Variants in SMYD2 observed in about 807,000 individuals in gnomAD.
SMYD2 encodes SET and MYND domain containing 2, also known as N-lysine methyltransferase SMYD2.
Under a neutral mutation model 59.1 loss-of-function variants are expected in SMYD2, and 53 were observed. The observed-to-expected ratio is 0.90, with a 90% CI of 0.72 to 1.13. SMYD2 has a LOEUF of 1.13. SMYD2 is among the 50% of genes most tolerant of loss of function. The pLI, the probability that SMYD2 is intolerant of heterozygous loss-of-function variation, is 0.00. For missense variants in SMYD2, 494 were observed against 544.7 expected, an observed-to-expected ratio of 0.91 and a Z score of 0.93; for synonymous variants, 208 against 198.8, an observed-to-expected ratio of 1.05 and a Z score of -0.39.
At chr1:214,303,864 G>A (rs1441555561) in intron 1 of SMYD2, among the ~76,000 whole-genome samples, 1 of 152,278 alleles carries the variant, frequency 6.6e-6, no homozygotes, top group African/African-American at 2.4e-5. Flanking sequence ...TGGCTCTGCG[G>A]CAGTGTAGCC....
intron 1 of SMYD2, among the ~76,000 whole-genome samples, chr1:214,296,987 A>T (rs1258991060): frequency 4.6e-5 from 7 of 152,246 alleles, no homozygotes; most frequent in South Asian, 2.1e-4. Flanking sequence ...AAACAACCTG[A>T]TCCATCCTGT....
chr1:214,330,783 G>A (rs1657339888), intron 8 of SMYD2, among the ~76,000 whole-genome samples, 167 bp from the exon 9 acceptor site: 1 of 152,244 alleles, frequency 6.6e-6, no homozygotes, highest in Non-Finnish European at 1.5e-5. Context: ...AGGTAATGGA[G>A]TACTGAATTT....
intron 7 of SMYD2, 125 bp downstream of exon 7, chr1:214,327,849 G>A: frequency 1.4e-6 from 1 of 728,272 alleles, no homozygotes; most frequent in Non-Finnish European, 2.3e-6. Context: ...CAGTTTAGCT[G>A]AGTCTGCCCT....
chr1:214,307,540 G>A (rs1054262440), intron 2 of SMYD2, among the ~76,000 whole-genome samples: 5 of 152,214 alleles, frequency 3.3e-5, no homozygotes, highest in African/African-American at 4.8e-5. Flanking sequence ...TACAAAATGA[G>A]TCTTAACTCC....
At chr1:214,317,240 T>C (rs1657101354) in intron 3 of SMYD2, among the ~76,000 whole-genome samples, 1 of 152,220 alleles carries the variant, frequency 6.6e-6, no homozygotes, top group Non-Finnish European at 1.5e-5. Flanking sequence ...TTATAATTAC[T>C]ACTACTACTA....
chr1:214,321,993 C>T (rs1022946338), intron 5 of SMYD2, among the ~76,000 whole-genome samples: 2 of 152,026 alleles, frequency 1.3e-5, no homozygotes, highest in Non-Finnish European at 2.9e-5. Context: ...TAAGAGGAGC[C>T]GGGAAGGGAA....
intron 1 of SMYD2, among the ~76,000 whole-genome samples, chr1:214,283,597 A>G (rs1015025099): frequency 2.0e-5 from 3 of 152,228 alleles, no homozygotes; most frequent in Admixed American, 2.0e-4. Flanking sequence ...GTCATCTGAT[A>G]GATTCAGCAT....
At position 214,332,068 on chromosome 1, in the gene SMYD2, T is replaced by C; in HGVS notation, c.988T>C (p.Ser330Pro). 1 of 1,614,044 alleles carries C rather than the reference T, an allele frequency of 6.2e-7. No homozygotes were observed. Among genetic ancestry groups the C allele is most frequent in the Non-Finnish European group, 8.5e-7 (1 of 1,180,020 alleles). ...ICELSQEKMS[S>P]VFEDSNVYML... ...CGAGCTCAGCCAGGAGAAGATGAGC[T>C]CTGTGTTTGAGGACAGTAACGTGTA... The change falls in exon 10 of 12, where the codon TCT (serine) becomes CCT (proline). Residue 330 changes from serine (S) to proline (P), a missense_variant. Ser to Pro is a moderately conservative substitution (Grantham distance 74). Coordinates refer to ENST00000366957, the MANE Select transcript of SMYD2 (RefSeq NM_020197.3).
intron 2 of SMYD2, among the ~76,000 whole-genome samples, chr1:214,313,209 TG>T (rs1168145858): frequency 6.6e-6 from 1 of 152,082 alleles, no homozygotes; most frequent in Non-Finnish European, 1.5e-5. Context: ...CTCTGCCTCC[TG>T]GGTTCAAGCG....
At chr1:214,302,129 G>A (rs1275395753) in intron 1 of SMYD2, among the ~76,000 whole-genome samples, 2 of 152,074 alleles carry the variant, frequency 1.3e-5, no homozygotes, top group African/African-American at 2.4e-5. Context: ...ATCACCTGAG[G>A]TCAGGAGTTC....
chr1:214,318,802 A>T lies in SMYD2; in HGVS notation c.410-57A>T, dbSNP rs1657125510. ...CTGTATCATTTACAGCAAAAATAGG[A>T]TGTAGCTAGAAATCCCACGCTTTCT... is the stretch of plus-strand genomic sequence containing the variant. On this transcript the variant is annotated intron_variant, in intron 4 of 11. Coordinates refer to ENST00000366957, the MANE Select transcript of SMYD2 (RefSeq NM_020197.3). The surrounding 1 kb of genome is among the most constrained non-coding windows in gnomAD (Gnocchi z 5.4). 3 of 1,583,356 alleles carry T rather than the reference A, an allele frequency of 1.9e-6. No individual in the cohort carries two copies. In the Admixed American group the frequency reaches 5.2e-5, roughly 27 times the overall value.
At chr1:214,299,713 TCTC>T (rs1174563610) in intron 1 of SMYD2, among the ~76,000 whole-genome samples, 3 of 151,960 alleles carry the variant, frequency 2.0e-5, no homozygotes, top group Non-Finnish European at 4.4e-5. Flanking sequence ...TTCAAGTAAT[TCTC>T]CTGCCTCAGC....
chr1:214,293,007 CTGTTTGTGTG>C (rs1348480172), intron 1 of SMYD2, among the ~76,000 whole-genome samples: 12 of 137,022 alleles, frequency 8.8e-5, no homozygotes, highest in South Asian at 7.6e-4. Flanking sequence ...TTATCTTTTT[CTGTTTGTGTG>C]TGTGTGTGTG....
At chr1:214,289,457 C>T (rs1053263889) in intron 1 of SMYD2, among the ~76,000 whole-genome samples, 4 of 152,120 alleles carry the variant, frequency 2.6e-5, no homozygotes, top group Non-Finnish European at 5.9e-5. Context: ...ATTGACTCCC[C>T]CCATCCACAC....
intron 2 of SMYD2, among the ~76,000 whole-genome samples, chr1:214,313,600 T>C (rs765625283): frequency 2.0e-5 from 3 of 152,154 alleles, no homozygotes; most frequent in Non-Finnish European, 4.4e-5. Context: ...CTGTCATTTC[T>C]TACCCCATCA....
intron 1 of SMYD2, among the ~76,000 whole-genome samples, chr1:214,286,053 A>G (rs918779555): frequency 6.6e-6 from 1 of 152,256 alleles, no homozygotes; most frequent in African/African-American, 2.4e-5. Context: ...TTATTTCAGT[A>G]GAAACCGCAA....
chr1:214,332,245 A>G (rs1246820546), intron 10 of SMYD2, 53 bp downstream of exon 10: 1 of 1,592,308 alleles, frequency 6.3e-7, no homozygotes, highest in African/African-American at 1.3e-5. Flanking sequence ...GGTTGTTTAG[A>G]ATGTATACGA....
intron 1 of SMYD2, among the ~76,000 whole-genome samples, chr1:214,282,173 T>G (rs898287158): frequency 2.0e-5 from 3 of 152,198 alleles, no homozygotes; most frequent in Non-Finnish European, 4.4e-5. Context: ...GCATATACAT[T>G]TGCACACACC....
At chr1:214,305,046 T>C (rs1000497205) in intron 1 of SMYD2, 141 bp from the exon 2 acceptor site, 1 of 774,168 alleles carries the variant, frequency 1.3e-6, no homozygotes, top group African/African-American at 1.7e-5. Context: ...TTAAGGAACA[T>C]GCACCTTCTC....
Sources: allele counts gnomAD v4.1 joint callset (sites outside exome capture counted in the v4.1 genomes callset), GRCh38; gene constraint gnomAD v4.1.1; non-coding constraint Gnocchi (gnomAD v3.1); transcripts MANE v1.5; gene names NCBI Gene and HGNC (gene_info 2026-07-23, HGNC 2026-07-21).